Variants in DSG3 observed in about 807,000 individuals in gnomAD.
The protein encoded by DSG3 is desmoglein 3, also known as desmoglein-3.
DSG3 carries 63 observed loss-of-function variants against 85.9 expected under a neutral mutation model. The observed-to-expected ratio is 0.73, with a 90% confidence interval of 0.60 to 0.90. The LOEUF (loss-of-function observed/expected upper bound fraction) is 0.90. Ranked by LOEUF, DSG3 falls within the 40% of genes least tolerant of loss-of-function variation. DSG3 has a pLI of 0.00. For missense variants in DSG3, 1,220 were observed against 1,219.9 expected, an observed-to-expected ratio of 1.00 and a Z score of 0.00; for synonymous variants, 447 against 441.9, an observed-to-expected ratio of 1.01 and a Z score of -0.14.
rs771863484 is a variant in DSG3 at position 31,466,650 on chromosome 18, T to G, written c.1532T>G (p.Val511Gly). ...AVCSSSPSVV[V>G]SARTLNNRYT... ...TGCAGTTCTTCACCTTCCGTGGTTG[T>G]CTCCGCTAGAACACTGAATAATAGA... is the stretch of plus-strand genomic sequence containing the variant. Residue 511 changes from valine to glycine, a missense_variant, in exon 11 of 16, where the codon GTC (valine) becomes GGC (glycine). Physicochemically the swap from Val to Gly is moderately radical, Grantham distance 109 (BLOSUM62 -3). Transcript: ENST00000257189. The G allele has an allele frequency of 2.5e-6, 4 of 1,614,094 alleles. No individual in the cohort carries two copies. The Admixed American group carries it at 6.7e-5, about 27-fold the overall frequency.
At chr18:31,451,354 A>G (rs2072710622) in intron 1 of DSG3, among the ~76,000 whole-genome samples, 1 of 152,176 alleles carries the variant, frequency 6.6e-6, no homozygotes, top group African/African-American at 2.4e-5. Flanking sequence ...AAATTAATAG[A>G]GATGTTTGAA....
At position 31,476,246 on chromosome 18, in the gene DSG3, TC is replaced by T; in HGVS notation, c.2989del (p.Arg997ValfsTer2). ...TATGCTCTGTACAGAGGATCCTTGC[TC>T]CCGTCTAATATGACCAGAATGAGCT... is the stretch of plus-strand genomic sequence containing the variant. The part of the protein sequence containing the change: ...HTMLCTEDPC[S>X]RLI On this transcript the variant is annotated frameshift_variant, in exon 16 of 16. Coordinates refer to ENST00000257189, the MANE Select transcript of DSG3 (RefSeq NM_001944.3). LOFTEE classifies it high-confidence loss of function. 6.2e-7 allele frequency: 1 copy of T among 1,609,796 alleles called. No individual in the cohort carries two copies. Among genetic ancestry groups the T allele is most frequent in the Non-Finnish European group, 8.5e-7 (1 of 1,177,576 alleles).
rs745850885 is a variant in DSG3, at chr18:31,465,447, G to C, written c.1401G>C (p.Leu467=). The part of the protein sequence containing the change: ...IVNKTITAEV[L]AIDEYTGKTS... The stretch of plus-strand genomic sequence containing the variant: ...ACAAAACAATCACAGCTGAGGTTCT[G>C]GCCATAGATGGTAAGAAAAATATTT... Residue 467 remains leucine, a synonymous_variant, in exon 10 of 16, where the codon CTG becomes CTC. Transcript: ENST00000257189. The C allele has an allele frequency of 2.3e-5, 34 of 1,487,958 alleles. No individual in the cohort carries two copies. The highest frequency in any genetic ancestry group is 2.9e-5 in the Non-Finnish European group (33 of 1,119,528). 92.2% of individuals were successfully genotyped at this position (1,487,958 alleles called of 1,614,324 possible).
At position 31,466,726 on chromosome 18, in the gene DSG3, TG is replaced by T; in HGVS notation, c.1609del (p.Ala537ProfsTer46). 1 of 1,614,216 alleles carries T rather than the reference TG, an allele frequency of 6.2e-7. No homozygotes were observed. Among genetic ancestry groups the T allele is most frequent in the Non-Finnish European group, 8.5e-7 (1 of 1,180,038 alleles). On this transcript the variant is annotated frameshift_variant, in exon 11 of 16. Transcript: ENST00000257189. LOFTEE classifies it high-confidence loss of function. ...ALEDQPVKLP[A>X]VWSITTLNAT... ...TGGAAGATCAACCTGTAAAGTTGCC[TG>T]CCGTATGGAGTATCACAACCCTCAA...
At chr18:31,457,547 C>CTCTTTCTT (rs757274745) in intron 3 of DSG3, among the ~76,000 whole-genome samples, 9 of 122,646 alleles carry the variant, frequency 7.3e-5, no homozygotes, top group East Asian at 5.0e-4. Context: ...TTCTTTCTTT[C>CTCTTTCTT]TCTTTCTTTC....
intron 5 of DSG3, among the ~76,000 whole-genome samples, chr18:31,459,470 G>A (rs2072769940): frequency 6.6e-6 from 1 of 152,138 alleles, no homozygotes; most frequent in Non-Finnish European, 1.5e-5. Flanking sequence ...AGGCAGCCTT[G>A]GGTAGCCTGG....
chr18:31,462,198 G>C (rs1258151796), intron 8 of DSG3, among the ~76,000 whole-genome samples: 2 of 152,060 alleles, frequency 1.3e-5, no homozygotes, highest in Non-Finnish European at 2.9e-5. Context: ...TCAGCCTCCT[G>C]AGTAGCAGGG....
chr18:31,449,844 C>T (rs915037318), intron 1 of DSG3, among the ~76,000 whole-genome samples: 3 of 152,162 alleles, frequency 2.0e-5, no homozygotes, highest in Non-Finnish European at 2.9e-5. Context: ...CCACCAGCCA[C>T]ATGTGGTTTT....
At position 31,474,330 on chromosome 18, in the gene DSG3, T is replaced by G. The variant is rs761760431; in HGVS notation, c.2311T>G (p.Ser771Ala). 1 of 1,614,032 alleles carries G rather than the reference T, an allele frequency of 6.2e-7. No individual in the cohort carries two copies. Among genetic ancestry groups the G allele is most frequent in the South Asian group, 1.1e-5 (1 of 91,080 alleles). ...GQSGTMRTRHSTGGTNKDYAD... is the reference protein window; with the variant it reads ...GQSGTMRTRHATGGTNKDYAD... Reference sequence around the variant, plus strand: ...GTCTGGAACCATGAGAACAAGGCATTCCACTGGAGGAACCAATAAGGACTA... The same window carrying G: ...GTCTGGAACCATGAGAACAAGGCATGCCACTGGAGGAACCAATAAGGACTA... The change falls in exon 15 of 16, where the codon TCC becomes GCC. Residue 771 changes from serine to alanine, a missense_variant. Coordinates refer to ENST00000257189, the MANE Select transcript of DSG3 (RefSeq NM_001944.3).
intron 9 of DSG3, among the ~76,000 whole-genome samples, chr18:31,464,706 T>A (rs1380989166): frequency 6.6e-6 from 1 of 152,090 alleles, no homozygotes; most frequent in African/African-American, 2.4e-5. Context: ...TGAGAACATG[T>A]TTTTATCATA....
chr18:31,457,685 T>C (rs1045807458), intron 3 of DSG3, among the ~76,000 whole-genome samples: 4 of 151,548 alleles, frequency 2.6e-5, no homozygotes, highest in African/African-American at 9.7e-5. Flanking sequence ...TGGAGTGCTG[T>C]GGCGCGATCT....
intron 1 of DSG3, among the ~76,000 whole-genome samples, chr18:31,448,742 C>T (rs2072693781): frequency 6.6e-6 from 1 of 150,772 alleles, no homozygotes; most frequent in Non-Finnish European, 1.5e-5. Flanking sequence ...AATGTCAAAA[C>T]AATTCCTAAT....
At chr18:31,470,787 T>C (rs1449017789) in intron 12 of DSG3, among the ~76,000 whole-genome samples, 2 of 152,152 alleles carry the variant, frequency 1.3e-5, no homozygotes, top group African/African-American at 2.4e-5. Context: ...TTTCCAAAAA[T>C]TGACAGCATC....
At position 31,461,361 on chromosome 18, in the gene DSG3, T is replaced by A. The variant is rs2072785000; in HGVS notation, c.948T>A (p.Phe316Leu). ...FFTSGNEGNW[F>L]EIQTDPRTNE... Reference sequence around the variant, plus strand: ...CCTCTGGGAATGAAGGAAATTGGTTTGAAATACAAACTGATCCTAGAACTA... The same window carrying A: ...CCTCTGGGAATGAAGGAAATTGGTTAGAAATACAAACTGATCCTAGAACTA... The change falls in exon 8 of 16, where the codon TTT becomes TTA. Residue 316 changes from phenylalanine (F) to leucine (L), a missense_variant. Phe to Leu is a conservative substitution (Grantham distance 22). Coordinates refer to ENST00000257189, the MANE Select transcript of DSG3 (RefSeq NM_001944.3). The A allele has an allele frequency of 6.2e-7, 1 of 1,613,722 alleles. No individual in the cohort carries two copies. The highest frequency in any genetic ancestry group is 1.3e-5 in the African/African-American group (1 of 74,906).
chr18:31,456,987 C>T lies in DSG3; in HGVS notation c.85-6C>T. 6.3e-7 allele frequency: 1 copy of T among 1,591,726 alleles called. No homozygotes were observed. Among genetic ancestry groups the T allele is most frequent in the Non-Finnish European group, 8.5e-7 (1 of 1,172,456 alleles). ...CCATAACAAATGGAATCCCTTTTTA[C>T]ATAAGACTAAAGGTCAATATGATGA... On this transcript the variant is annotated splice_polypyrimidine_tract_variant and splice_region_variant and intron_variant, in intron 2 of 15. Coordinates refer to ENST00000257189, the MANE Select transcript of DSG3 (RefSeq NM_001944.3).
intron 1 of DSG3, among the ~76,000 whole-genome samples, 192 bp downstream of exon 1, chr18:31,448,117 AAAAT>A (rs1308408342): frequency 6.6e-6 from 1 of 152,228 alleles, no homozygotes; most frequent in Non-Finnish European, 1.5e-5. Context: ...TTTACATAGA[AAAAT>A]AAACCAGAAA....
intron 11 of DSG3, among the ~76,000 whole-genome samples, chr18:31,466,967 C>A (rs762602215): frequency 2.0e-5 from 3 of 152,148 alleles, no homozygotes; most frequent in Non-Finnish European, 4.4e-5. Context: ...TATTTTGAAT[C>A]CTTTTTAGGG....
rs539345044 is a variant in DSG3 at position 31,456,601 on chromosome 18, T to A, written c.84+126T>A. 3.6e-3 allele frequency: 1,676 copies of A among 466,726 alleles called. 5 individuals carry two copies. The highest frequency in any genetic ancestry group is 4.7e-3 in the Non-Finnish European group (1,348 of 284,720). 28.9% of individuals were successfully genotyped at this position (466,726 alleles called of 1,614,324 possible). Reference sequence around the variant, plus strand: ...TCAATAATTTAATTGTGAAAATATATAAAATTAAAATTCTAATAACTGATA... The same window carrying A: ...TCAATAATTTAATTGTGAAAATATAAAAAATTAAAATTCTAATAACTGATA... On this transcript the variant is annotated intron_variant, in intron 2 of 15. Transcript: ENST00000257189.
intron 11 of DSG3, among the ~76,000 whole-genome samples, chr18:31,467,814 A>G (rs904086070): frequency 1.3e-5 from 2 of 152,224 alleles, no homozygotes; most frequent in African/African-American, 4.8e-5. Flanking sequence ...AGTAGCAGCC[A>G]CTGCCAGAGT....
Sources: allele counts gnomAD v4.1 joint callset (sites outside exome capture counted in the v4.1 genomes callset), GRCh38; gene constraint gnomAD v4.1.1; transcripts MANE v1.5; gene names NCBI Gene and HGNC (gene_info 2026-07-23, HGNC 2026-07-21).